Variants in MTA3 observed in about 807,000 individuals in gnomAD.
MTA3 encodes metastasis associated 1 family member 3.
Under a neutral mutation model 83.5 loss-of-function variants are expected in MTA3, and 34 were observed. The ratio of observed to expected loss-of-function variants is 0.41; its 90% CI spans 0.31 to 0.54. MTA3 has a LOEUF of 0.54. Ranked by LOEUF, MTA3 falls within the 20% of genes least tolerant of loss-of-function variation. MTA3 has a pLI of 0.33. For synonymous variants in MTA3, 303 were observed against 252.7 expected (o/e 1.20, Z -1.89); for missense variants, 761 against 726.4 (o/e 1.05, Z -0.55).
chr2:42,643,350 T>C (rs963580244), intron 5 of MTA3, among the ~76,000 whole-genome samples: 1 of 152,188 alleles, frequency 6.6e-6, no homozygotes, highest in Non-Finnish European at 1.5e-5. Flanking sequence ...AAGATGGGAC[T>C]TCTGCTTCTG....
At chr2:42,668,186 G>A (rs1002013556) in intron 8 of MTA3, among the ~76,000 whole-genome samples, 2 of 152,220 alleles carry the variant, frequency 1.3e-5, no homozygotes, top group African/African-American at 2.4e-5. Flanking sequence ...GCTCCTCAAA[G>A]TAGAGGCAGT....
chr2:42,577,091 T>TTAAA (rs1679121263), intron 2 of MTA3, among the ~76,000 whole-genome samples: 1 of 19,218 alleles, frequency 5.2e-5, no homozygotes, highest in East Asian at 1.2e-3. Flanking sequence ...GTACTCCATC[T>TTAAA]AAAAAAAAAA....
At chr2:42,622,429 G>A (rs1685676697) in intron 4 of MTA3, among the ~76,000 whole-genome samples, 1 of 151,038 alleles carries the variant, frequency 6.6e-6, no homozygotes, top group Non-Finnish European at 1.5e-5. Context: ...AGGGGGAGGG[G>A]GAGGGAGAGG....
In MTA3 at chr2:42,753,608, C is replaced by T. The variant is rs1670043174; in HGVS notation, c.*209C>T. The stretch of plus-strand genomic sequence containing the variant: ...CTCCACGTGTGGATCAGCAGCACCT[C>T]GCTTTCTTGTCAGAGACCTCGCTGT... On this transcript the variant is annotated 3_prime_UTR_variant, in exon 17 of 17. Transcript: ENST00000405094. The T allele has an allele frequency of 5.1e-6, 7 of 1,372,320 alleles. No individual in the cohort carries two copies. Among genetic ancestry groups the T allele is most frequent in the South Asian group, 4.8e-5 (3 of 62,358 alleles). 85.0% of individuals were successfully genotyped at this position (1,372,320 alleles called of 1,614,324 possible).
At chr2:42,581,360 CTT>C (rs778419810) in intron 3 of MTA3, among the ~76,000 whole-genome samples, 19 of 88,264 alleles carry the variant, frequency 2.2e-4, no homozygotes, top group African/African-American at 6.3e-4. Context: ...TCCCAAATTG[CTT>C]TTTTTTTTTT....
chr2:42,553,478 G>C (rs1677221817), intron 2 of MTA3, among the ~76,000 whole-genome samples: 1 of 147,676 alleles, frequency 6.8e-6, no homozygotes, highest in African/African-American at 2.5e-5. Context: ...GCTCATACCT[G>C]TAATCCTAGC....
intron 8 of MTA3, among the ~76,000 whole-genome samples, chr2:42,681,309 C>T (rs1048504831): frequency 1.3e-5 from 2 of 152,080 alleles, no homozygotes; most frequent in African/African-American, 4.8e-5. Flanking sequence ...TTTGCTTTTT[C>T]TGTGCAGCAT....
At chr2:42,594,728 A>ATATATATATATATATATATATTTTTTT in intron 3 of MTA3, among the ~76,000 whole-genome samples, 2 of 24,044 alleles carry the variant, frequency 8.3e-5, no homozygotes. Flanking sequence ...ATATATATAT[A>ATATATATATATATATATATATTTTTTT]TTTTTTTTTT....
chr2:42,697,718 G>A (rs1332022230), intron 10 of MTA3, 58 bp from the exon 11 acceptor site: 2 of 1,155,980 alleles, frequency 1.7e-6, no homozygotes, highest in Non-Finnish European at 2.4e-6. Context: ...TTAAGACAAT[G>A]AACAGTAGTA....
intron 9 of MTA3, 131 bp from the exon 10 acceptor site, chr2:42,695,634 C>CAAAAAAAAAA (rs70963347): frequency 2.8e-4 from 37 of 130,766 alleles, no homozygotes; most frequent in African/African-American, 6.2e-4. Flanking sequence ...CAGTCTATCT[C>CAAAAAAAAAA]AAAAAAAAAA....
intron 2 of MTA3, among the ~76,000 whole-genome samples, chr2:42,553,905 A>G (rs1230827783): frequency 6.9e-6 from 1 of 145,258 alleles, no homozygotes; most frequent in Non-Finnish European, 1.5e-5. Context: ...AAACGAAAGA[A>G]AGAAAGAAGG....
In MTA3 at chr2:42,695,748, ATT is replaced by A. The variant is rs66547039; in HGVS notation, c.892-5_892-4del. The A allele has an allele frequency of 7.7e-3, 9,453 of 1,221,686 alleles. 25 individuals carry two copies. The highest frequency in any genetic ancestry group is 0.029 in the African/African-American group (1,796 of 60,900). The allele number at this position is 1,221,686 out of a possible 1,614,324, so 75.7% of individuals were successfully genotyped here. On this transcript the variant is annotated splice_polypyrimidine_tract_variant and intron_variant, in intron 9 of 16. Coordinates refer to ENST00000405094, the MANE Select transcript of MTA3 (RefSeq NM_001330442.2). ...ATATGTTAACATAGATGATAGGTTG[ATT>A]TTTTTTTTTTTCAGCTTCCTTGGAA...
At chr2:42,636,909 G>C (rs1294378919) in intron 4 of MTA3, among the ~76,000 whole-genome samples, 1 of 152,278 alleles carries the variant, frequency 6.6e-6, no homozygotes, top group Non-Finnish European at 1.5e-5. Flanking sequence ...ATAGGCATGA[G>C]CCACTGCGCC....
chr2:42,733,290 A>G (rs1204240122), intron 16 of MTA3, among the ~76,000 whole-genome samples: 3 of 152,190 alleles, frequency 2.0e-5, no homozygotes, highest in Non-Finnish European at 4.4e-5. Context: ...AGCAAGAGAA[A>G]ATGAAGAAAC....
chr2:42,756,633 A>AG lies in MTA3; in HGVS notation c.*3239dup. ...AGAGAGGAAACGGCTTTGGGGAGGG[A>AG]GGGGGAAGCCTTTATTCTTTACTGT... On this transcript the variant is annotated 3_prime_UTR_variant, in exon 17 of 17. Transcript: ENST00000405094. 1.0e-6 allele frequency: 1 copy of AG among 985,284 alleles called. No homozygotes were observed. The highest frequency in any genetic ancestry group is 1.2e-6 in the Non-Finnish European group (1 of 829,928). The allele number at this position is 985,284 out of a possible 1,614,324, so 61.0% of individuals were successfully genotyped here. A position where few individuals can be genotyped will look rare whatever the true frequency, so the allele number is the denominator to read the frequency against.
chr2:42,577,714 C>A (rs531744706), intron 2 of MTA3, among the ~76,000 whole-genome samples: 1 of 152,076 alleles, frequency 6.6e-6, no homozygotes, highest in Non-Finnish European at 1.5e-5. Context: ...CTCCTGACCT[C>A]GTGATCTGCC....
In MTA3 at chr2:42,622,116, T is replaced by C. The variant is rs371619504; in HGVS notation, c.317+12532T>C. Among the ~76,000 whole-genome samples, 7 of 152,178 alleles carry C rather than the reference T, an allele frequency of 4.6e-5. No homozygotes were observed. The East Asian group carries it at 9.7e-4, about 21-fold the overall frequency. On this transcript the variant is annotated intron_variant, in intron 4 of 16. Transcript: ENST00000405094. Reference sequence around the variant, plus strand: ...CCACTGCACTCCAGCCTGGGCAACATTGAGCACTGAGTGAACCAGAGTCCG... The same window carrying C: ...CCACTGCACTCCAGCCTGGGCAACACTGAGCACTGAGTGAACCAGAGTCCG...
chr2:42,702,040 G>A (rs1573679700), intron 11 of MTA3, among the ~76,000 whole-genome samples: 1 of 152,030 alleles, frequency 6.6e-6, no homozygotes, highest in East Asian at 1.9e-4. Context: ...GTGAAACTCC[G>A]TCTCTACTAA....
intron 11 of MTA3, 129 bp downstream of exon 11, chr2:42,697,963 C>G: frequency 1.6e-6 from 1 of 610,540 alleles, no homozygotes; most frequent in Non-Finnish European, 2.8e-6. Context: ...AAGCATGAGA[C>G]TTACTATTAT....
Sources: allele counts gnomAD v4.1 joint callset (sites outside exome capture counted in the v4.1 genomes callset), GRCh38; gene constraint gnomAD v4.1.1; transcripts MANE v1.5; gene names NCBI Gene and HGNC (gene_info 2026-07-23, HGNC 2026-07-21).